GRIA1: variants seen among roughly 807,000 people sequenced by gnomAD.
The protein encoded by GRIA1 is glutamate receptor 1.
GRIA1 carries 31 observed loss-of-function variants against 99.2 expected under a neutral mutation model. The observed-to-expected ratio is 0.31, with a 90% CI of 0.23 to 0.42. The LOEUF is 0.42. Ranked by LOEUF, GRIA1 falls within the 10% of genes least tolerant of loss-of-function variation. The probability of loss-of-function intolerance (pLI) is 1.00; values close to 1 mark genes in which losing one functional copy is unlikely to be tolerated. For synonymous variants in GRIA1, 438 were observed against 432.4 expected, an observed-to-expected ratio of 1.01 and a Z score of -0.16; for missense variants, 782 against 1,157.5, an observed-to-expected ratio of 0.68 and a Z score of 4.71.
At chr5:153,757,928 G>T (rs902733692) in intron 11 of GRIA1, among the ~76,000 whole-genome samples, 1 of 152,116 alleles carries the variant, frequency 6.6e-6, no homozygotes, top group Non-Finnish European at 1.5e-5. Context: ...ATCATGGTGT[G>T]TAAATCACTT....
chr5:153,631,789 C>A (rs1427431031), intron 2 of GRIA1, among the ~76,000 whole-genome samples: 2 of 152,046 alleles, frequency 1.3e-5, no homozygotes, highest in African/African-American at 4.8e-5. Context: ...GAGTAAAGTT[C>A]TGTGAAGGAT....
chr5:153,654,496 C>T (rs536342625), intron 4 of GRIA1, among the ~76,000 whole-genome samples: 6 of 152,080 alleles, frequency 3.9e-5, no homozygotes, highest in African/African-American at 1.4e-4. Flanking sequence ...AACCATTTGA[C>T]AAGCAGATGA....
chr5:153,747,679 G>A (rs1296013972), intron 11 of GRIA1, among the ~76,000 whole-genome samples: 1 of 152,212 alleles, frequency 6.6e-6, no homozygotes, highest in Non-Finnish European at 1.5e-5. Flanking sequence ...TCCAAGAAAT[G>A]CCTTTCTTTC....
intron 11 of GRIA1, among the ~76,000 whole-genome samples, chr5:153,712,783 A>C (rs1375217759): frequency 6.6e-6 from 1 of 152,202 alleles, no homozygotes; most frequent in Non-Finnish European, 1.5e-5. Flanking sequence ...TGCGATAGCT[A>C]ATCTGGGTCT....
chr5:153,808,707 A>C (rs1766607914), intron 15 of GRIA1, among the ~76,000 whole-genome samples: 3 of 152,226 alleles, frequency 2.0e-5, no homozygotes, highest in Admixed American at 2.0e-4. Flanking sequence ...TGTAGTTGAC[A>C]TTAAGCATTG....
chr5:153,762,296 A>T (rs888525343), intron 11 of GRIA1, among the ~76,000 whole-genome samples: 12 of 152,320 alleles, frequency 7.9e-5, no homozygotes, highest in African/African-American at 2.9e-4. Flanking sequence ...TACAATTTTT[A>T]TGTGTCAGTT....
chr5:153,700,344 C>T (rs1414926428), intron 10 of GRIA1, among the ~76,000 whole-genome samples: 1 of 152,154 alleles, frequency 6.6e-6, no homozygotes, highest in Non-Finnish European at 1.5e-5. Flanking sequence ...AAGACCATGC[C>T]ATCGCACTCC....
intron 2 of GRIA1, among the ~76,000 whole-genome samples, chr5:153,570,218 C>A (rs1183109212): frequency 6.6e-6 from 1 of 152,188 alleles, no homozygotes; most frequent in African/African-American, 2.4e-5. Flanking sequence ...CACCTATCTA[C>A]TTTCTCTGCA....
intron 11 of GRIA1, among the ~76,000 whole-genome samples, chr5:153,720,836 A>G (rs186581813): frequency 6.6e-6 from 1 of 152,186 alleles, no homozygotes; most frequent in Non-Finnish European, 1.5e-5. Flanking sequence ...TCTCCTTAGT[A>G]CCATAAAGAA....
intron 11 of GRIA1, among the ~76,000 whole-genome samples, chr5:153,713,680 A>G (rs778175077): frequency 2.6e-5 from 4 of 152,362 alleles, no homozygotes; most frequent in Non-Finnish European, 5.9e-5. Flanking sequence ...AGTTCTGGCC[A>G]TCAGCAAGGG....
chr5:153,718,829 C>T (rs374137961), intron 11 of GRIA1, among the ~76,000 whole-genome samples: 1 of 152,138 alleles, frequency 6.6e-6, no homozygotes, highest in East Asian at 1.9e-4. Flanking sequence ...AGAGGAAAGT[C>T]CAGAGGCTAT....
intron 2 of GRIA1, among the ~76,000 whole-genome samples, chr5:153,562,711 A>G (rs141422825): frequency 4.5e-4 from 68 of 152,286 alleles, no homozygotes; most frequent in African/African-American, 1.6e-3. Flanking sequence ...GAGTGAGTGA[A>G]TGATTGAATC....
chr5:153,503,319 G>A (rs1448803239), intron 2 of GRIA1, among the ~76,000 whole-genome samples: 4 of 152,130 alleles, frequency 2.6e-5, no homozygotes, highest in Non-Finnish European at 5.9e-5. Context: ...GACTTGCTGT[G>A]TAACCTTGAA....
At chr5:153,538,628 C>G (rs1024897975) in intron 2 of GRIA1, among the ~76,000 whole-genome samples, 23 of 152,276 alleles carry the variant, frequency 1.5e-4, no homozygotes, top group African/African-American at 5.1e-4. Context: ...CTACTGCAAT[C>G]TTGGAGGTTT....
At chr5:153,787,883 A>G (rs1366084812) in intron 13 of GRIA1, among the ~76,000 whole-genome samples, 3 of 152,058 alleles carry the variant, frequency 2.0e-5, no homozygotes, top group African/African-American at 4.8e-5. Context: ...GATCAAGACC[A>G]TCCTGGCTAA....
At chr5:153,791,199 C>T (rs993160516) in intron 13 of GRIA1, among the ~76,000 whole-genome samples, 2 of 151,262 alleles carry the variant, frequency 1.3e-5, no homozygotes, top group South Asian at 2.1e-4. Context: ...CTTTGGGAGG[C>T]CGAGGCAGGA....
chr5:153,490,188 C>G (rs1561578478), upstream of GRIA1: 1 of 191,312 alleles, frequency 5.2e-6, no homozygotes, highest in African/African-American at 2.4e-5. Flanking sequence ...TCCAGCGCAG[C>G]CCATGCACTC....
chr5:153,722,213 A>G (rs1047468195), intron 11 of GRIA1, among the ~76,000 whole-genome samples: 3 of 151,178 alleles, frequency 2.0e-5, no homozygotes, highest in Admixed American at 6.6e-5. Context: ...TAGCCTTGAC[A>G]TAAGTCCTTT....
At chr5:153,790,540 A>G (rs1037551299) in intron 13 of GRIA1, among the ~76,000 whole-genome samples, 1 of 152,186 alleles carries the variant, frequency 6.6e-6, no homozygotes, top group African/African-American at 2.4e-5. Flanking sequence ...TCTGTGGACC[A>G]GTCACTGCTT....
Sources: allele counts gnomAD v4.1 joint callset (sites outside exome capture counted in the v4.1 genomes callset), GRCh38; gene constraint gnomAD v4.1.1; transcripts MANE v1.5; gene names NCBI Gene and HGNC (gene_info 2026-07-23, HGNC 2026-07-21).